INPPL1: variants seen among roughly 807,000 people sequenced by gnomAD.
INPPL1 encodes phosphatidylinositol 3,4,5-trisphosphate 5-phosphatase 2.
A neutral mutation model predicts 139.3 loss-of-function variants in INPPL1; 91 were observed. The ratio of observed to expected loss-of-function variants is 0.65; its 90% confidence interval spans 0.55 to 0.78. INPPL1 has a LOEUF of 0.78. Among genes scored for constraint, INPPL1 ranks in the 30% least tolerant of loss-of-function variants. INPPL1 has a pLI of 0.00. For missense variants in INPPL1, 1,411 were observed against 1,665.6 expected (o/e 0.85, Z 2.66); for synonymous variants, 719 against 686.6 (o/e 1.05, Z -0.74).
chr11:72,234,979 T>C lies in INPPL1; in HGVS notation c.2416-137T>C. The C allele has an allele frequency of 5.7e-6, 4 of 702,000 alleles. No homozygotes were observed. The highest frequency in any genetic ancestry group is 5.4e-5 in the South Asian group (3 of 55,568). 43.5% of individuals were successfully genotyped at this position (702,000 alleles called of 1,614,324 possible). ...GTGTCTTCTGCATTAAGGATTTGGC[T>C]CTTCTCTGAAGAGTTGAGTGTGAGT... On this transcript the variant is annotated intron_variant, in intron 21 of 27. Coordinates refer to ENST00000298229, the MANE Select transcript of INPPL1 (RefSeq NM_001567.4). This position sits in a 1 kb window ranked among gnomAD's most constrained non-coding sequence, Gnocchi z 4.2.
In INPPL1 at chr11:72,225,018, G is replaced by T. The variant is rs1208420367; in HGVS notation, c.34G>T (p.Gly12Cys). 4 of 1,217,086 alleles carry T rather than the reference G, an allele frequency of 3.3e-6. No homozygotes were observed. Among genetic ancestry groups the T allele is most frequent in the Non-Finnish European group, 4.1e-6 (4 of 978,950 alleles). 75.4% of individuals were successfully genotyped at this position (1,217,086 alleles called of 1,614,324 possible). A position where few individuals can be genotyped will look rare whatever the true frequency, so the allele number is the denominator to read the frequency against. The change falls in exon 1 of 28, where the codon GGC becomes TGC. Residue 12 changes from glycine (G) to cysteine (C), a missense_variant. Physicochemically the swap from Gly to Cys is radical, Grantham distance 159. Transcript: ENST00000298229. ...ASACGAPGPG[G>C]ALGSQAPSWY... ...GGCCTGCGGGGCGCCGGGCCCGGGG[G>T]GCGCCCTGGGCAGCCAGGCCCCCTC...
rs747886500 is a variant in INPPL1, at chr11:72,235,096, T to C, written c.2416-20T>C. The C allele has an allele frequency of 3.1e-6, 5 of 1,607,072 alleles. No individual in the cohort carries two copies. The highest frequency in any genetic ancestry group is 4.3e-6 in the Non-Finnish European group (5 of 1,175,218). On this transcript the variant is annotated intron_variant, in intron 21 of 27. Transcript: ENST00000298229. The surrounding 1 kb of genome is among the most constrained non-coding windows in gnomAD (Gnocchi z 4.9). ...GAAGTGGCGGGGCTTTGTTCCTCAC[T>C]GGGCCTCCCTGCTTCCCAGCTCAAA...
intron 1 of INPPL1, among the ~76,000 whole-genome samples, chr11:72,226,788 C>T (rs1366757389): frequency 3.3e-5 from 5 of 152,134 alleles, no homozygotes; most frequent in African/African-American, 7.2e-5. Context: ...CTGAGGCATA[C>T]CCCCTAATTA....
At chr11:72,225,906 T>A (rs1948658229) in intron 1 of INPPL1, among the ~76,000 whole-genome samples, 1 of 152,188 alleles carries the variant, frequency 6.6e-6, no homozygotes, top group African/African-American at 2.4e-5. Flanking sequence ...TTGGTAGTGG[T>A]GCTGGGGTGA....
At position 72,238,147 on chromosome 11, in the gene INPPL1, A is replaced by C. The variant is rs1416406367; in HGVS notation, c.3658A>C (p.Asn1220His). 1 of 1,592,086 alleles carries C rather than the reference A, an allele frequency of 6.3e-7. No homozygotes were observed. Among genetic ancestry groups the C allele is most frequent in the Admixed American group, 1.8e-5 (1 of 57,094 alleles). ...LERYEEGLVH[N>H]GWDDLEFLSD... Reference sequence around the variant, plus strand: ...GCGCTATGAGGAGGGCCTGGTGCATAATGGCTGGGACGACCTGGAGTTTCT... The same window carrying C: ...GCGCTATGAGGAGGGCCTGGTGCATCATGGCTGGGACGACCTGGAGTTTCT... The change falls in exon 27 of 28, where the codon AAT becomes CAT. Residue 1220 changes from asparagine to histidine, a missense_variant. This residue lies in a region of INPPL1 where 438 missense variants were observed against 425.7 expected (regional missense o/e 1.03). Transcript: ENST00000298229.
At position 72,234,493 on chromosome 11, in the gene INPPL1, G is replaced by A. The variant is rs1308039061; in HGVS notation, c.2327-34G>A. The A allele has an allele frequency of 6.9e-6, 11 of 1,595,732 alleles. No individual in the cohort carries two copies. In the African/African-American group the frequency reaches 1.2e-4, roughly 18 times the overall value. On this transcript the variant is annotated intron_variant, in intron 20 of 27. Coordinates refer to ENST00000298229, the MANE Select transcript of INPPL1 (RefSeq NM_001567.4). This position sits in a 1 kb window ranked among gnomAD's most constrained non-coding sequence, Gnocchi z 4.2. Reference sequence around the variant, plus strand: ...TAGGGGGAAAGGAAGCTGAGAGGTGGTGCTCAGTTGGGTGTCTCCCACCCC... The same window carrying A: ...TAGGGGGAAAGGAAGCTGAGAGGTGATGCTCAGTTGGGTGTCTCCCACCCC...
chr11:72,226,031 T>C (rs1021469188), intron 1 of INPPL1, among the ~76,000 whole-genome samples: 6 of 152,166 alleles, frequency 3.9e-5, no homozygotes, highest in African/African-American at 1.4e-4. Flanking sequence ...GGCTGCTTTA[T>C]TTAGATCAGT....
rs749471018 is a variant in INPPL1, at chr11:72,232,989, G to A, written c.1951+15G>A. On this transcript the variant is annotated intron_variant, in intron 16 of 27. Transcript: ENST00000298229. ...CCTTCGATTCAGTGAGTGTGGGCCTGGTAGGTGGTGATCTGAGGGCTAGGA... is the reference window on the plus strand; with the variant it reads ...CCTTCGATTCAGTGAGTGTGGGCCTAGTAGGTGGTGATCTGAGGGCTAGGA... 1.5e-5 allele frequency: 25 copies of A among 1,613,060 alleles called. No individual in the cohort carries two copies. The African/African-American group carries it at 1.9e-4, about 12-fold the overall frequency.
chr11:72,237,822 T>C (rs1949037887), intron 26 of INPPL1, 26 bp downstream of exon 26: 1 of 1,572,640 alleles, frequency 6.4e-7, no homozygotes, highest in Non-Finnish European at 8.6e-7. Flanking sequence ...TGGCTGTCTG[T>C]GTGTGCCTGA....
intron 1 of INPPL1, among the ~76,000 whole-genome samples, chr11:72,226,621 A>G (rs1447353257): frequency 1.3e-5 from 2 of 152,154 alleles, no homozygotes; most frequent in South Asian, 4.1e-4. Flanking sequence ...TGTCAGTGGT[A>G]TGGAGGTTGA....
Position 72,237,505 on chromosome 11 carries a change from C to A in INPPL1, c.3261C>A (p.Gly1087=), listed in dbSNP as rs1015678768. 6 of 1,609,052 alleles carry A rather than the reference C, an allele frequency of 3.7e-6. No individual in the cohort carries two copies. Among genetic ancestry groups the A allele is most frequent in the South Asian group, 1.1e-5 (1 of 90,856 alleles). ...GCCGTGGTGGGGCTGAGGCCCGTGG[C>A]CCACCACCTCCCAAGGCCCATCCAA... ...VRGRGGAEAR[G]PPPPKAHPRP... Residue 1087 remains glycine (G), a synonymous_variant, in exon 26 of 28, where the codon GGC becomes GGA. Transcript: ENST00000298229.
In INPPL1 at chr11:72,232,624, A is replaced by T; in HGVS notation, c.1713-2A>T. The T allele has an allele frequency of 6.2e-7, 1 of 1,613,182 alleles. No individual in the cohort carries two copies. The highest frequency in any genetic ancestry group is 8.5e-7 in the Non-Finnish European group (1 of 1,179,822). On this transcript the variant is annotated splice_acceptor_variant, in intron 14 of 27. Transcript: ENST00000298229. LOFTEE classifies it high-confidence loss of function. ...CTCCCCACCACGCACCCCTCACCCTAGGAGGAACCAAAACTACTTGGACAT... is the reference window on the plus strand; with the variant it reads ...CTCCCCACCACGCACCCCTCACCCTTGGAGGAACCAAAACTACTTGGACAT...
intron 1 of INPPL1, among the ~76,000 whole-genome samples, chr11:72,225,784 G>T (rs889550630): frequency 6.6e-6 from 1 of 152,140 alleles, no homozygotes; most frequent in Non-Finnish European, 1.5e-5. Flanking sequence ...TTGAGCCCTG[G>T]TTACCTGGCT....
chr11:72,236,659 T>C (rs1591286396), intron 25 of INPPL1, among the ~76,000 whole-genome samples: 1 of 152,178 alleles, frequency 6.6e-6, no homozygotes, highest in East Asian at 1.9e-4. Context: ...AGGTACAGTT[T>C]GGTGCTTTTT....
intron 1 of INPPL1, among the ~76,000 whole-genome samples, chr11:72,227,378 GTATGCTATTGTAATAAA>G: frequency 6.6e-6 from 1 of 152,184 alleles, no homozygotes; most frequent in Non-Finnish European, 1.5e-5. Flanking sequence ...TCAGTTAATG[GTATGCTATTGTAATAAA>G]CACAGATAGT....
chr11:72,227,945 G>T (rs1190398685), intron 1 of INPPL1: 11 of 545,876 alleles, frequency 2.0e-5, no homozygotes, highest in Non-Finnish European at 3.0e-5. Flanking sequence ...CCTGTGGTGG[G>T]TGTGGAGTCT....
At position 72,237,334 on chromosome 11, in the gene INPPL1, G is replaced by GC; in HGVS notation, c.3091dup (p.His1031ProfsTer12). 1 of 1,614,006 alleles carries GC rather than the reference G, an allele frequency of 6.2e-7. No homozygotes were observed. Among genetic ancestry groups the GC allele is most frequent in the Non-Finnish European group, 8.5e-7 (1 of 1,180,020 alleles). On this transcript the variant is annotated frameshift_variant, in exon 26 of 28. Coordinates refer to ENST00000298229, the MANE Select transcript of INPPL1 (RefSeq NM_001567.4). LOFTEE classifies it high-confidence loss of function. ...CTGCTCCACAGCTTGGGCACCACCGGCACCCTCGTGTGGGAGAGGGGAGTT... is the reference window on the plus strand; with the variant it reads ...CTGCTCCACAGCTTGGGCACCACCGGCCACCCTCGTGTGGGAGAGGGGAGTT...
rs746871219 is a variant in INPPL1, at chr11:72,230,926, G to A, written c.1300+28G>A. On this transcript the variant is annotated intron_variant, in intron 11 of 27. Coordinates refer to ENST00000298229, the MANE Select transcript of INPPL1 (RefSeq NM_001567.4). ...CAGGCCCGGGCTGGGGCTGGGGCGG[G>A]AGAGAGGGATGGCCCCAGAGCAGGT... The A allele has an allele frequency of 5.6e-6, 9 of 1,613,028 alleles. No homozygotes were observed. The South Asian group carries it at 9.9e-5, about 18-fold the overall frequency.
chr11:72,228,259 A>C lies in INPPL1; in HGVS notation c.246+6A>C, dbSNP rs1565384376. On this transcript the variant is annotated splice_donor_region_variant and intron_variant, in intron 2 of 27. Coordinates refer to ENST00000298229, the MANE Select transcript of INPPL1 (RefSeq NM_001567.4). This position sits in a 1 kb window ranked among gnomAD's most constrained non-coding sequence, Gnocchi z 5.0. The stretch of plus-strand genomic sequence containing the variant: ...AAGATTTCTTGGCTGTGCAGGTAGG[A>C]GCTTGGGCCCCTGACCCCTGACCTT... The C allele has an allele frequency of 6.2e-7, 1 of 1,614,010 alleles. No individual in the cohort carries two copies. The highest frequency in any genetic ancestry group is 1.7e-5 in the Admixed American group (1 of 60,012).
Sources: gnomAD v4.1 joint callset for allele counts (sites outside exome capture counted in the v4.1 genomes callset) on GRCh38, gnomAD v4.1.1 for gene constraint, gnomAD v4.1.1 regional missense constraint, Gnocchi (gnomAD v3.1) non-coding constraint, MANE v1.5 for transcripts, NCBI Gene and HGNC (gene_info 2026-07-23, HGNC 2026-07-21) for gene names.